Variants in RANBP2 observed in about 807,000 individuals in gnomAD.
RANBP2 encodes RAN binding protein 2.
A neutral mutation model predicts 303.6 loss-of-function variants in RANBP2; 57 were observed. That is an observed-to-expected ratio of 0.19 (90% CI 0.15 to 0.23). The LOEUF is 0.23. Among genes scored for constraint, RANBP2 ranks in the 10% least tolerant of loss-of-function variants. RANBP2 has a pLI of 1.00. For synonymous variants in RANBP2, 1,167 were observed against 1,301.5 expected (o/e 0.90, Z 2.23); for missense variants, 3,138 against 3,780.8 (o/e 0.83, Z 4.46).
the RANBP2 span, among the ~76,000 whole-genome samples, chr2:109,277,433 A>C: frequency 6.6e-6 from 1 of 152,188 alleles, no homozygotes; most frequent in Non-Finnish European, 1.5e-5. Flanking sequence ...CGACTGTATA[A>C]TTTCATAAGA....
At chr2:109,629,639 C>T in the RANBP2 span, among the ~76,000 whole-genome samples, 3 of 151,490 alleles carry the variant, frequency 2.0e-5, no homozygotes, top group East Asian at 1.9e-4. Flanking sequence ...GGTGAAACCC[C>T]GTCTCTACTA....
At chr2:108,892,020 G>C in the RANBP2 span, among the ~76,000 whole-genome samples, 1 of 152,144 alleles carries the variant, frequency 6.6e-6, no homozygotes, top group Non-Finnish European at 1.5e-5. Context: ...GTGCAGGTTT[G>C]TGCTCAGGCC....
At chr2:108,719,725 C>T in intron 1 of RANBP2, 47 bp downstream of exon 1, 2 of 1,554,754 alleles carry the variant, frequency 1.3e-6, no homozygotes, top group Non-Finnish European at 1.7e-6. Flanking sequence ...GGCCGGGCGG[C>T]GGCCTCGCGC....
At chr2:109,044,598 C>T in the RANBP2 span, among the ~76,000 whole-genome samples, 1 of 35,666 alleles carries the variant, frequency 2.8e-5, no homozygotes, top group African/African-American at 3.8e-5. Flanking sequence ...TGGAATTGTC[C>T]TTATCTGACT....
chr2:109,375,346 A>T, the RANBP2 span, among the ~76,000 whole-genome samples: 1 of 152,216 alleles, frequency 6.6e-6, no homozygotes, highest in African/African-American at 2.4e-5. Context: ...GCCAGGACCC[A>T]GGGCACGTCT....
the RANBP2 span, among the ~76,000 whole-genome samples, chr2:108,800,643 ATAC>A: frequency 4.9e-5 from 2 of 40,704 alleles, no homozygotes; most frequent in Non-Finnish European, 8.9e-5. Context: ...TTTTTTAATT[ATAC>A]TTTAAGTTTT....
chr2:109,521,868 G>A, the RANBP2 span, among the ~76,000 whole-genome samples: 9 of 152,152 alleles, frequency 5.9e-5, 1 homozygote, highest in South Asian at 1.2e-3. Flanking sequence ...TGTTATAGTC[G>A]GTGTTAATTG....
chr2:109,730,433 T>C, the RANBP2 span, among the ~76,000 whole-genome samples: 2 of 152,156 alleles, frequency 1.3e-5, no homozygotes, highest in Non-Finnish European at 2.9e-5. Flanking sequence ...CAGCCCTTCC[T>C]CCAGTGTCTC....
chr2:109,050,257 T>C, the RANBP2 span, among the ~76,000 whole-genome samples: 5 of 152,032 alleles, frequency 3.3e-5, no homozygotes, highest in South Asian at 1.0e-3. Flanking sequence ...CCTGTTTCTT[T>C]TTACTTTTTT....
At chr2:109,081,765 C>T in the RANBP2 span, among the ~76,000 whole-genome samples, 15 of 152,330 alleles carry the variant, frequency 9.8e-5, no homozygotes, top group South Asian at 8.3e-4. Context: ...AACCTGCCGC[C>T]GCCAGGGAGC....
chr2:109,067,491 G>A, the RANBP2 span, among the ~76,000 whole-genome samples: 7 of 152,290 alleles, frequency 4.6e-5, no homozygotes, highest in African/African-American at 1.2e-4. Context: ...CCAGGGTCTC[G>A]GGAGTTCTCC....
the RANBP2 span, chr2:109,436,917 G>T: frequency 4.3e-6 from 7 of 1,613,410 alleles, no homozygotes; most frequent in Non-Finnish European, 5.9e-6. Context: ...GGGCAGGGCC[G>T]CCCCGGAATA....
chr2:109,512,402 C>T, the RANBP2 span, among the ~76,000 whole-genome samples: 1 of 152,158 alleles, frequency 6.6e-6, no homozygotes, highest in African/African-American at 2.4e-5. Flanking sequence ...GTGGCCTCCG[C>T]CACCCTCCTG....
At chr2:108,938,653 T>A in the RANBP2 span, among the ~76,000 whole-genome samples, 14 of 151,888 alleles carry the variant, frequency 9.2e-5, no homozygotes, top group East Asian at 2.1e-3. Flanking sequence ...CTTGGAGAAG[T>A]TTTGAAAAAA....
chr2:109,221,112 T>C, the RANBP2 span, among the ~76,000 whole-genome samples: 1 of 152,198 alleles, frequency 6.6e-6, no homozygotes, highest in East Asian at 1.9e-4. Flanking sequence ...ATGGATGAAC[T>C]TTGAAGTCAT....
chr2:109,491,080 C>T, the RANBP2 span: 47 of 741,464 alleles, frequency 6.3e-5, no homozygotes, highest in East Asian at 3.1e-4. Flanking sequence ...CACATGGTCC[C>T]GAGCTTGGGT....
At chr2:109,203,807 C>T in the RANBP2 span, among the ~76,000 whole-genome samples, 5 of 129,482 alleles carry the variant, frequency 3.9e-5, no homozygotes, top group South Asian at 2.4e-4. Context: ...GTCTCATGCA[C>T]GCCTCGACTC....
chr2:109,548,339 T>C, the RANBP2 span, among the ~76,000 whole-genome samples: 143 of 152,308 alleles, frequency 9.4e-4, no homozygotes, highest in South Asian at 1.7e-3. Context: ...AACATTTTAG[T>C]TCTGGGTAGA....
chr2:108,773,659 T>G (rs34863499), intron 23 of RANBP2, among the ~76,000 whole-genome samples: 1,810 of 145,990 alleles, frequency 0.012, 33 homozygotes, highest in Admixed American at 0.02. Flanking sequence ...TTTTTTTTTT[T>G]TGGGGGGGGA....
Sources: gnomAD v4.1 joint callset for allele counts (sites outside exome capture counted in the v4.1 genomes callset) on GRCh38, gnomAD v4.1.1 for gene constraint, MANE v1.5 for transcripts, NCBI Gene and HGNC (gene_info 2026-07-23, HGNC 2026-07-21) for gene names.